The following ADGRG6 variants were observed in gnomAD, a reference collection of about 807,000 sequenced individuals.
ADGRG6 encodes adhesion G protein-coupled receptor G6, also known as G-protein coupled receptor 126.
Under a neutral mutation model 142.4 loss-of-function variants are expected in ADGRG6, and 84 were observed. That is an observed-to-expected ratio of 0.59 (90% CI 0.49 to 0.71). The LOEUF (loss-of-function observed/expected upper bound fraction) is 0.71, where lower values mean the gene tolerates loss of function less well. Among genes scored for constraint, ADGRG6 ranks in the 30% least tolerant of loss-of-function variants. The probability of loss-of-function intolerance (pLI) is 0.00; values close to 1 mark genes in which losing one functional copy is unlikely to be tolerated. For synonymous variants in ADGRG6, 521 were observed against 520.5 expected (o/e 1.00, Z -0.01); for missense variants, 1,367 against 1,466.6 (o/e 0.93, Z 1.11).
At chr6:142,317,944 A>G (rs1778214634) in intron 2 of ADGRG6, among the ~76,000 whole-genome samples, 1 of 71,546 alleles carries the variant, frequency 1.4e-5, no homozygotes, top group Non-Finnish European at 2.4e-5. Flanking sequence ...TATATTATAT[A>G]TATTTATATT....
chr6:142,397,216 T>C (rs1775242526), intron 9 of ADGRG6, among the ~76,000 whole-genome samples: 1 of 152,044 alleles, frequency 6.6e-6, no homozygotes, highest in Non-Finnish European at 1.5e-5. Flanking sequence ...AAAAGATAAA[T>C]GGTCAGTTGA....
chr6:142,310,581 G>A (rs1449762169), intron 2 of ADGRG6, among the ~76,000 whole-genome samples: 1 of 151,608 alleles, frequency 6.6e-6, no homozygotes, highest in East Asian at 1.9e-4. Flanking sequence ...TAGATTATCT[G>A]CTAAAATTGC....
At chr6:142,438,169 C>A (rs1166596969) in intron 23 of ADGRG6, 43 bp from the exon 24 acceptor site, 10 of 1,361,270 alleles carry the variant, frequency 7.3e-6, no homozygotes, top group African/African-American at 1.5e-5. Context: ...GTTCATATTC[C>A]CGGTAAAGCA....
chr6:142,374,227 T>C (rs1186279065), intron 4 of ADGRG6, among the ~76,000 whole-genome samples: 1 of 152,154 alleles, frequency 6.6e-6, no homozygotes, highest in African/African-American at 2.4e-5. Flanking sequence ...CCACATACTT[T>C]GGACAGCACT....
At chr6:142,381,686 A>T (rs1375441672) in intron 4 of ADGRG6, among the ~76,000 whole-genome samples, 1 of 152,216 alleles carries the variant, frequency 6.6e-6, no homozygotes, top group Non-Finnish European at 1.5e-5. Flanking sequence ...AACTTTTTGC[A>T]CAAACTTTAA....
At chr6:142,342,686 G>A (rs1779715171) in intron 2 of ADGRG6, among the ~76,000 whole-genome samples, 1 of 151,802 alleles carries the variant, frequency 6.6e-6, no homozygotes, top group African/African-American at 2.4e-5. Flanking sequence ...AACCTTATAA[G>A]ATATTTAAAA....
At chr6:142,306,732 C>A (rs1777516843) in intron 1 of ADGRG6, among the ~76,000 whole-genome samples, 1 of 151,930 alleles carries the variant, frequency 6.6e-6, no homozygotes, top group East Asian at 1.9e-4. Flanking sequence ...ACCTTAGTAA[C>A]CCTGTTCAGG....
At chr6:142,362,373 C>T (rs1045202783) in intron 2 of ADGRG6, among the ~76,000 whole-genome samples, 2 of 152,186 alleles carry the variant, frequency 1.3e-5, no homozygotes, top group Non-Finnish European at 2.9e-5. Flanking sequence ...CCGGTTTACT[C>T]AGGAAACCAT....
chr6:142,365,442 T>C (rs921212841), intron 2 of ADGRG6, among the ~76,000 whole-genome samples: 21 of 152,050 alleles, frequency 1.4e-4, no homozygotes, highest in African/African-American at 4.8e-4. Context: ...TGCTGGAGAG[T>C]AGAATGGCAA....
chr6:142,370,316 G>C lies in ADGRG6; in HGVS notation c.592G>C (p.Asp198His). The C allele has an allele frequency of 6.2e-7, 1 of 1,613,826 alleles. No individual in the cohort carries two copies. The highest frequency in any genetic ancestry group is 8.5e-7 in the Non-Finnish European group (1 of 1,179,778). Residue 198 changes from aspartate (D) to histidine (H), a missense_variant, in exon 4 of 25, where the codon GAT (aspartate) becomes CAT (histidine). Physicochemically the swap from Asp to His is moderately conservative, Grantham distance 81. This residue lies in a region of ADGRG6 where 737 missense variants were observed against 746.5 expected (regional missense o/e 0.99). Coordinates refer to ENST00000367609, the MANE Select transcript of ADGRG6 (RefSeq NM_198569.3). Reference protein sequence around the residue: ...EATKVGHEDSDWTAFSYSNAS... With the variant: ...EATKVGHEDSHWTAFSYSNAS... Reference sequence around the variant, plus strand: ...AACCAAAGTTGGCCATGAAGACAGTGATTGGACAGCTTTCTCCTACTCAAA... The same window carrying C: ...AACCAAAGTTGGCCATGAAGACAGTCATTGGACAGCTTTCTCCTACTCAAA...
chr6:142,402,537 T>C (rs1775574451), intron 12 of ADGRG6, 83 bp from the exon 13 acceptor site: 1 of 718,220 alleles, frequency 1.4e-6, no homozygotes, highest in East Asian at 2.7e-5. Flanking sequence ...TAAAGTGAAA[T>C]ATTACACTCT....
At chr6:142,367,269 G>A (rs1044366116) in intron 2 of ADGRG6, among the ~76,000 whole-genome samples, 3 of 152,082 alleles carry the variant, frequency 2.0e-5, no homozygotes, top group African/African-American at 4.8e-5. Context: ...TGTGTGTAAC[G>A]TGTGTGGCCC....
chr6:142,379,656 A>G (rs1217711747), intron 4 of ADGRG6, among the ~76,000 whole-genome samples: 1 of 152,062 alleles, frequency 6.6e-6, no homozygotes. Context: ...AGTCCCAGCT[A>G]CTCGGGAGGC....
At position 142,338,017 on chromosome 6, in the gene ADGRG6, GTTT is replaced by G. The variant is rs1181314373; in HGVS notation, c.103+28392_103+28394del. 5.0e-3 allele frequency among the ~76,000 whole-genome samples: 178 copies of G among 35,392 alleles called. 7 individuals are homozygous for G. In the South Asian group the frequency reaches 0.084, roughly 17 times the overall value. The allele number at this position is 35,392 out of a possible 152,430, so 23.2% of individuals were successfully genotyped here. ...AATCCTTTTTATGCCTTGTATCTTT[GTTT>G]TTTTTTTTTTTTTTTTTTGAGACGG... On this transcript the variant is annotated intron_variant, in intron 2 of 24. Transcript: ENST00000367609.
chr6:142,422,784 G>C lies in ADGRG6; in HGVS notation c.3319+2680G>C, dbSNP rs1192010826. On this transcript the variant is annotated intron_variant, in intron 22 of 24. Coordinates refer to ENST00000367609, the MANE Select transcript of ADGRG6 (RefSeq NM_198569.3). ...GAACTAGTTTACAGTCCCACCAACA[G>C]TGTAAAAGTGTTCCTATTTCTCCAC... Among the ~76,000 whole-genome samples, 4 of 146,538 alleles carry C rather than the reference G, an allele frequency of 2.7e-5. No individual in the cohort carries two copies. In the East Asian group the frequency reaches 8.0e-4, roughly 29 times the overall value.
In ADGRG6 at chr6:142,408,280, G is replaced by A. The variant is rs183986009; in HGVS notation, c.2388+11G>A. On this transcript the variant is annotated intron_variant, in intron 16 of 24. Transcript: ENST00000367609. ...CATACAAGAACTCAGGTAAGAAAAC[G>A]CTCCCAATAGCATTTGGACAGAAGT... 5.4e-4 allele frequency: 828 copies of A among 1,544,390 alleles called. 4 individuals are homozygous for A. Among genetic ancestry groups the A allele is most frequent in the East Asian group, 2.9e-4 (12 of 41,440 alleles).
At chr6:142,360,184 C>A (rs1780646895) in intron 2 of ADGRG6, among the ~76,000 whole-genome samples, 1 of 152,060 alleles carries the variant, frequency 6.6e-6, no homozygotes, top group Admixed American at 6.6e-5. Context: ...ATGCTGCTAA[C>A]AATTATAAGG....
chr6:142,387,486 T>A (rs1171395971), intron 6 of ADGRG6, among the ~76,000 whole-genome samples: 1 of 152,206 alleles, frequency 6.6e-6, no homozygotes, highest in Non-Finnish European at 1.5e-5. Flanking sequence ...TTAAAGAAAT[T>A]GTGTATGTAG....
chr6:142,332,153 T>C (rs1209829719), intron 2 of ADGRG6, among the ~76,000 whole-genome samples: 1 of 152,178 alleles, frequency 6.6e-6, no homozygotes, highest in African/African-American at 2.4e-5. Flanking sequence ...ACAATATAGG[T>C]GGCCGCCCCT....
Sources: gnomAD v4.1 joint callset for allele counts (sites outside exome capture counted in the v4.1 genomes callset) on GRCh38, gnomAD v4.1.1 for gene constraint, gnomAD v4.1.1 regional missense constraint, MANE v1.5 for transcripts, NCBI Gene and HGNC (gene_info 2026-07-23, HGNC 2026-07-21) for gene names.